Variants in WDR41 observed in about 807,000 individuals in gnomAD.
WDR41 encodes the protein WD repeat domain 41.
A neutral mutation model predicts 69.3 loss-of-function variants in WDR41; 63 were observed. The ratio of observed to expected loss-of-function variants is 0.91; its 90% CI spans 0.74 to 1.12. WDR41 has a LOEUF of 1.12. WDR41 is among the 50% of genes most tolerant of loss of function. WDR41 has a pLI of 0.00. For synonymous variants in WDR41, 185 were observed against 192.1 expected, an observed-to-expected ratio of 0.96 and a Z score of 0.31; for missense variants, 543 against 534.5, an observed-to-expected ratio of 1.02 and a Z score of -0.16.
intron 1 of WDR41, among the ~76,000 whole-genome samples, chr5:77,590,138 G>C (rs1448425920): frequency 6.6e-6 from 1 of 152,054 alleles, no homozygotes; most frequent in Non-Finnish European, 1.5e-5. Flanking sequence ...TTATTGACTT[G>C]TTAAATGTTA....
At chr5:77,612,736 G>A (rs1395001187) in intron 1 of WDR41, among the ~76,000 whole-genome samples, 1 of 151,302 alleles carries the variant, frequency 6.6e-6, no homozygotes, top group Non-Finnish European at 1.5e-5. Context: ...ACTGGCACAA[G>A]ACAGGGATGC....
intron 1 of WDR41, among the ~76,000 whole-genome samples, chr5:77,577,541 C>T (rs1743857135): frequency 6.6e-6 from 1 of 152,032 alleles, no homozygotes; most frequent in South Asian, 2.1e-4. Context: ...AATAGAAATT[C>T]ATCTAAATAC....
At chr5:77,588,304 TCTC>T (rs1447906301) in intron 1 of WDR41, among the ~76,000 whole-genome samples, 1 of 152,186 alleles carries the variant, frequency 6.6e-6, no homozygotes, top group Non-Finnish European at 1.5e-5. Context: ...ATCTCATTCT[TCTC>T]TTTTATAGTT....
At chr5:77,539,442 G>T (rs184497818) in intron 1 of WDR41, among the ~76,000 whole-genome samples, 131 of 152,248 alleles carry the variant, frequency 8.6e-4, no homozygotes, top group Non-Finnish European at 1.6e-3. Context: ...GATTCAGTAG[G>T]TCTGGGGTGG....
intron 1 of WDR41, among the ~76,000 whole-genome samples, chr5:77,531,787 C>A (rs1421204181): frequency 6.6e-6 from 1 of 151,956 alleles, no homozygotes. Flanking sequence ...GAATTAAATA[C>A]TGATACATGC....
chr5:77,502,058 A>G (rs891597254), intron 1 of WDR41, among the ~76,000 whole-genome samples: 2 of 152,298 alleles, frequency 1.3e-5, no homozygotes, highest in Middle Eastern at 3.4e-3. Flanking sequence ...AAAGTTGGTA[A>G]TAACAAACTC....
At chr5:77,496,078 C>T (rs335663), upstream of WDR41, among the ~76,000 whole-genome samples, 92,932 of 151,838 alleles carry the variant, frequency 0.61, 30,243 homozygotes, top group African/African-American at 0.84. Context: ...CCTTTTATCA[C>T]AAAACTCTCA....
At chr5:77,462,984 T>G in intron 4 of WDR41, 111 bp downstream of exon 4, 1 of 1,212,642 alleles carries the variant, frequency 8.2e-7, no homozygotes, top group South Asian at 1.6e-5. Context: ...AAAATCATTT[T>G]TGCTATAACA....
At chr5:77,584,600 C>T (rs1233390863) in intron 1 of WDR41, among the ~76,000 whole-genome samples, 1 of 151,940 alleles carries the variant, frequency 6.6e-6, no homozygotes, top group South Asian at 2.1e-4. Context: ...TTCAACAAAA[C>T]AAACAAAAAC....
At chr5:77,512,325 GGTGA>G (rs1263346989) in intron 1 of WDR41, among the ~76,000 whole-genome samples, 1 of 89,124 alleles carries the variant, frequency 1.1e-5, no homozygotes, top group Non-Finnish European at 2.0e-5. Flanking sequence ...AATTACATGG[GGTGA>G]GTGAGAGAGA....
chr5:77,463,032 T>C, intron 4 of WDR41, 63 bp downstream of exon 4: 7 of 1,546,234 alleles, frequency 4.5e-6, no homozygotes, highest in Non-Finnish European at 6.1e-6. Context: ...TAAAGACTAA[T>C]AGTGTATGTA....
chr5:77,490,497 T>C (rs1438326451), intron 1 of WDR41, among the ~76,000 whole-genome samples: 1 of 152,096 alleles, frequency 6.6e-6, no homozygotes, highest in Non-Finnish European at 1.5e-5. Context: ...GGGACAATCA[T>C]AGGTTCCGAT....
intron 1 of WDR41, among the ~76,000 whole-genome samples, chr5:77,550,186 A>G (rs1003780147): frequency 6.6e-6 from 1 of 152,184 alleles, no homozygotes; most frequent in Non-Finnish European, 1.5e-5. Context: ...GGCCTTGGGA[A>G]AGAATTTGTG....
At chr5:77,442,574 T>C (rs1031209782) in intron 8 of WDR41, among the ~76,000 whole-genome samples, 1 of 152,066 alleles carries the variant, frequency 6.6e-6, no homozygotes, top group Non-Finnish European at 1.5e-5. Context: ...ACTATGACTA[T>C]GTATAACTTT....
intron 1 of WDR41, among the ~76,000 whole-genome samples, chr5:77,613,912 T>C (rs1744620393): frequency 1.3e-5 from 2 of 152,184 alleles, no homozygotes; most frequent in Admixed American, 6.5e-5. Flanking sequence ...AAAGGGCTAA[T>C]ATCCAGAATC....
chr5:77,505,746 A>T (rs947808276), intron 1 of WDR41, among the ~76,000 whole-genome samples: 1 of 152,212 alleles, frequency 6.6e-6, no homozygotes, highest in Non-Finnish European at 1.5e-5. Flanking sequence ...ATCTACAACC[A>T]TCTGATCTTT....
chr5:77,602,289 G>A (rs1023784909), intron 1 of WDR41, among the ~76,000 whole-genome samples: 7 of 151,952 alleles, frequency 4.6e-5, no homozygotes, highest in Admixed American at 1.3e-4. Context: ...ACAGGCATGC[G>A]CCACCACGCC....
chr5:77,545,612 T>G, intron 1 of WDR41: 1 of 359,296 alleles, frequency 2.8e-6, no homozygotes, highest in South Asian at 4.7e-5. Context: ...TCCCTGGAGA[T>G]CTATCTCTTC....
At chr5:77,482,853 C>T (rs1801338327) in intron 2 of WDR41, among the ~76,000 whole-genome samples, 1 of 148,556 alleles carries the variant, frequency 6.7e-6, no homozygotes, top group African/African-American at 2.5e-5. Context: ...CTCCCCACAT[C>T]TACCTGAAAA....
Sources: allele counts gnomAD v4.1 joint callset (sites outside exome capture counted in the v4.1 genomes callset), GRCh38; gene constraint gnomAD v4.1.1; transcripts MANE v1.5; gene names NCBI Gene and HGNC (gene_info 2026-07-23, HGNC 2026-07-21).